The following VRK2 variants were observed in gnomAD, a reference collection of about 807,000 sequenced individuals.
The protein encoded by VRK2 is VRK serine/threonine kinase 2.
In VRK2, 60 loss-of-function variants were observed where a neutral mutation model predicts 57.6. The observed-to-expected ratio is 1.04, with a 90% CI of 0.85 to 1.29. The LOEUF (loss-of-function observed/expected upper bound fraction) is 1.29, where lower values mean the gene tolerates loss of function less well. VRK2 is among the 50% of genes most tolerant of loss of function. VRK2 has a pLI of 0.00. For synonymous variants in VRK2, 231 were observed against 199.2 expected (o/e 1.16, Z -1.35); for missense variants, 705 against 588.1 (o/e 1.20, Z -2.06).
intron 7 of VRK2, among the ~76,000 whole-genome samples, chr2:58,113,145 C>G (rs561659292): frequency 6.6e-6 from 1 of 152,046 alleles, no homozygotes; most frequent in Admixed American, 6.6e-5. Flanking sequence ...CCCGTCTCTA[C>G]TAAAAATACA....
At chr2:57,988,572 A>T (rs367555929) in intron 1 of VRK2, among the ~76,000 whole-genome samples, 3 of 152,226 alleles carry the variant, frequency 2.0e-5, no homozygotes, top group African/African-American at 7.2e-5. Context: ...ATCCAAATTG[A>T]ATGAAATGGT....
chr2:58,108,586 T>C (rs1009291489), intron 7 of VRK2, among the ~76,000 whole-genome samples: 2 of 152,154 alleles, frequency 1.3e-5, no homozygotes, highest in African/African-American at 4.8e-5. Flanking sequence ...TGACACATGC[T>C]CTGGTTGCCC....
chr2:57,917,691 A>T (rs1670201504), intron 1 of VRK2, among the ~76,000 whole-genome samples: 3 of 151,616 alleles, frequency 2.0e-5, no homozygotes, highest in African/African-American at 7.3e-5. Flanking sequence ...GATATAGAAA[A>T]TTTTCACTTT....
intron 1 of VRK2, among the ~76,000 whole-genome samples, chr2:57,966,542 T>C (rs1671922607): frequency 6.6e-6 from 1 of 152,222 alleles, no homozygotes; most frequent in South Asian, 2.1e-4. Flanking sequence ...TTTTTATCTA[T>C]GGTTCTTCCA....
At chr2:58,042,350 A>G (rs1309931504), upstream of VRK2, among the ~76,000 whole-genome samples, 1 of 152,112 alleles carries the variant, frequency 6.6e-6, no homozygotes, top group Non-Finnish European at 1.5e-5. Context: ...ATTATTTTCA[A>G]AATTATTAAT....
chr2:58,027,167 T>C (rs1292468767), intron 2 of VRK2, among the ~76,000 whole-genome samples: 1 of 152,052 alleles, frequency 6.6e-6, no homozygotes, highest in African/African-American at 2.4e-5. Flanking sequence ...TTCCTAATAA[T>C]CTAGTGTTCC....
At chr2:58,091,626 A>T (rs1672389366) in intron 7 of VRK2, among the ~76,000 whole-genome samples, 1 of 152,020 alleles carries the variant, frequency 6.6e-6, no homozygotes, top group East Asian at 1.9e-4. Context: ...AATTTTTTCA[A>T]AATGAAAGGT....
intron 1 of VRK2, among the ~76,000 whole-genome samples, chr2:58,015,337 T>C (rs561249119): frequency 6.6e-6 from 1 of 152,348 alleles, no homozygotes; most frequent in Non-Finnish European, 1.5e-5. Context: ...TGCAGTATAA[T>C]GTTTGTTCTG....
At chr2:58,148,559 T>C (rs1320734076) in intron 12 of VRK2, among the ~76,000 whole-genome samples, 1 of 151,744 alleles carries the variant, frequency 6.6e-6, no homozygotes, top group African/African-American at 2.4e-5. Flanking sequence ...TTGTCGTTTG[T>C]TTGTTTTTCT....
intron 8 of VRK2, among the ~76,000 whole-genome samples, chr2:58,127,602 C>T (rs1057044312): frequency 2.0e-5 from 3 of 152,166 alleles, no homozygotes; most frequent in African/African-American, 7.2e-5. Flanking sequence ...TACTGAATTA[C>T]ATAGGTTACC....
chr2:58,011,568 C>CCT (rs1267793003), intron 1 of VRK2, among the ~76,000 whole-genome samples: 1 of 152,076 alleles, frequency 6.6e-6, no homozygotes, highest in African/African-American at 2.4e-5. Flanking sequence ...GTGTGCTTTT[C>CCT]CTCTTTATGA....
At position 58,159,671 on chromosome 2, in the gene VRK2, T is replaced by G. The variant is rs1684779456; in HGVS notation, c.1505T>G (p.Phe502Cys). The G allele has an allele frequency of 1.2e-6, 2 of 1,612,774 alleles. No homozygotes were observed. The highest frequency in any genetic ancestry group is 1.7e-6 in the Non-Finnish European group (2 of 1,179,500). Residue 502 changes from phenylalanine to cysteine, a missense_variant, in exon 13 of 13, where the codon TTT (phenylalanine) becomes TGT (cysteine). Physicochemically the swap from Phe to Cys is radical, Grantham distance 205. Transcript: ENST00000340157. Reference sequence around the variant, plus strand: ...ATACCTGTCCTTTTGATGTTAGTATTTCTTGCTTTATTTTTTCTCTGAAGA... The same window carrying G: ...ATACCTGTCCTTTTGATGTTAGTATGTCTTGCTTTATTTTTTCTCTGAAGA... ...IIIPVLLMLV[F>C]LALFFL
chr2:58,131,793 T>C lies in VRK2; in HGVS notation c.677-15T>C, dbSNP rs757372907. ...GCTTATCCCTTATCTTTCTCTCTAATGCTTACTCCTATAGCCTTGTCCAGA... is the reference window on the plus strand; with the variant it reads ...GCTTATCCCTTATCTTTCTCTCTAACGCTTACTCCTATAGCCTTGTCCAGA... On this transcript the variant is annotated splice_polypyrimidine_tract_variant and intron_variant, in intron 8 of 12. Transcript: ENST00000340157. 3 of 1,590,848 alleles carry C rather than the reference T, an allele frequency of 1.9e-6. No individual in the cohort carries two copies. Among genetic ancestry groups the C allele is most frequent in the Middle Eastern group, 1.7e-4 (1 of 5,920 alleles).
At chr2:58,071,668 C>T (rs892499050) in intron 2 of VRK2, among the ~76,000 whole-genome samples, 2 of 151,816 alleles carry the variant, frequency 1.3e-5, no homozygotes, top group African/African-American at 4.8e-5. Context: ...ATTTTTTTTG[C>T]AGTACCACAT....
intron 1 of VRK2, among the ~76,000 whole-genome samples, chr2:57,980,091 G>A (rs1039892121): frequency 2.0e-5 from 3 of 151,964 alleles, no homozygotes. Context: ...GGGTTGGTTT[G>A]CTCTTATTTT....
chr2:57,985,634 G>C (rs1054440657), intron 1 of VRK2, among the ~76,000 whole-genome samples: 3 of 151,946 alleles, frequency 2.0e-5, no homozygotes, highest in African/African-American at 7.3e-5. Flanking sequence ...TTTTCCCTAA[G>C]ATCAGAACCA....
chr2:58,058,360 G>A (rs1676837897), intron 2 of VRK2: 1 of 470,316 alleles, frequency 2.1e-6, no homozygotes, highest in Non-Finnish European at 4.4e-6. Context: ...AGAGACACTG[G>A]CCATTTTTCT....
At chr2:57,983,104 T>C (rs6732310) in intron 1 of VRK2, among the ~76,000 whole-genome samples, 105,334 of 151,926 alleles carry the variant, frequency 0.69, 37,747 homozygotes, top group African/African-American at 0.89. Context: ...TAGCCCACAT[T>C]TGTGTCCTCC....
chr2:57,992,048 A>G (rs957578766), intron 1 of VRK2, among the ~76,000 whole-genome samples: 1 of 152,214 alleles, frequency 6.6e-6, no homozygotes, highest in Non-Finnish European at 1.5e-5. Context: ...ACATTAAAAC[A>G]TATATATCAA....
Sources: allele counts gnomAD v4.1 joint callset (sites outside exome capture counted in the v4.1 genomes callset), GRCh38; gene constraint gnomAD v4.1.1; transcripts MANE v1.5; gene names NCBI Gene and HGNC (gene_info 2026-07-23, HGNC 2026-07-21).